Variants in CCND3 observed in about 807,000 individuals in gnomAD.
CCND3 encodes G1/S-specific cyclin-D3.
Under a neutral mutation model 28.7 loss-of-function variants are expected in CCND3, and 9 were observed. That is an observed-to-expected ratio of 0.31 (90% CI 0.19 to 0.55). The LOEUF (loss-of-function observed/expected upper bound fraction) is 0.55. Among genes scored for constraint, CCND3 ranks in the 20% least tolerant of loss-of-function variants. The pLI, the probability that CCND3 is intolerant of heterozygous loss-of-function variation, is 0.93. For missense variants in CCND3, 315 were observed against 385.8 expected (o/e 0.82, Z 1.54); for synonymous variants, 164 against 163.9 (o/e 1.00, Z 0.00).
Position 42,037,897 on chromosome 6 carries a change from C to G in CCND3, c.-46+10604G>C, listed in dbSNP as rs1202578037. 2.6e-5 allele frequency among the ~76,000 whole-genome samples: 4 copies of G among 151,720 alleles called. No individual in the cohort carries two copies. In the East Asian group the frequency reaches 5.9e-4, roughly 22 times the overall value. The stretch of plus-strand genomic sequence containing the variant: ...AATACAAAAATTAGCTGGGTGTGGT[C>G]GCACATGCCTGTAATCCCAGCTACT... On this transcript the variant is annotated intron_variant, in intron 1 of 4. Coordinates refer to the CCND3 transcript ENST00000372988.
intron 1 of CCND3, among the ~76,000 whole-genome samples, chr6:42,027,805 T>A (rs1763925453): frequency 2.0e-5 from 3 of 151,974 alleles, no homozygotes; most frequent in African/African-American, 7.2e-5. Flanking sequence ...TGGAGGGCAA[T>A]GGCTCAATCT....
chr6:41,962,391 C>A (rs1002908960), intron 1 of CCND3, among the ~76,000 whole-genome samples: 3 of 152,120 alleles, frequency 2.0e-5, no homozygotes, highest in Non-Finnish European at 4.4e-5. Flanking sequence ...TGAGCCACTG[C>A]GCCTGGCTGC....
chr6:41,986,808 A>G (rs1018355419), intron 1 of CCND3, among the ~76,000 whole-genome samples: 1 of 152,170 alleles, frequency 6.6e-6, no homozygotes, highest in African/African-American at 2.4e-5. Context: ...ATTGAATAGA[A>G]GTGGTGAGAA....
At chr6:41,978,358 C>T (rs890736578) in intron 1 of CCND3, among the ~76,000 whole-genome samples, 5 of 134,286 alleles carry the variant, frequency 3.7e-5, no homozygotes, top group African/African-American at 1.1e-4. Flanking sequence ...GGCAACAGAG[C>T]GAGACTCCAT....
chr6:41,941,365 C>T lies in CCND3; in HGVS notation c.198+87G>A, dbSNP rs1776008639. Reference sequence around the variant, plus strand: ...TAGCCTCGGAGCATCCTGCAGATTGCTGTGGGGACCGGGATGTCCCGACAG... The same window carrying T: ...TAGCCTCGGAGCATCCTGCAGATTGTTGTGGGGACCGGGATGTCCCGACAG... On this transcript the variant is annotated intron_variant, in intron 1 of 4. Transcript: ENST00000372991. The surrounding 1 kb of genome is among the most constrained non-coding windows in gnomAD (Gnocchi z 6.1). 8 of 1,555,876 alleles carry T rather than the reference C, an allele frequency of 5.1e-6. No homozygotes were observed. The highest frequency in any genetic ancestry group is 6.9e-6 in the Non-Finnish European group (8 of 1,155,342).
At chr6:41,992,123 C>A (rs1295999147) in intron 1 of CCND3, among the ~76,000 whole-genome samples, 1 of 152,074 alleles carries the variant, frequency 6.6e-6, no homozygotes, top group African/African-American at 2.4e-5. Flanking sequence ...AGTGGGATTG[C>A]TGGATCATAT....
chr6:42,036,403 A>ATT (rs57849655), intron 1 of CCND3, among the ~76,000 whole-genome samples: 414 of 31,314 alleles, frequency 0.013, 32 homozygotes, highest in Non-Finnish European at 0.015. Context: ...ATATATATAT[A>ATT]TTTTTTTTTT....
At chr6:42,049,548 T>C (rs12210681), upstream of CCND3, 13,058 of 152,330 alleles carry the variant, frequency 0.086, 744 homozygotes, top group East Asian at 0.25. Flanking sequence ...ACGGCGCAGC[T>C]AGAGGGGCTG....
chr6:42,049,320 A>G (rs182779148), upstream of CCND3, among the ~76,000 whole-genome samples: 231 of 152,254 alleles, frequency 1.5e-3, 2 homozygotes, highest in African/African-American at 5.0e-3. Flanking sequence ...TACAGGCGAG[A>G]GCCACCGCGC....
At chr6:42,047,481 G>C (rs1250068811) in intron 1 of CCND3, among the ~76,000 whole-genome samples, 1 of 152,166 alleles carries the variant, frequency 6.6e-6, no homozygotes, top group African/African-American at 2.4e-5. Context: ...GGTAGGCAGA[G>C]GGCAAGGACT....
At chr6:41,942,872 C>CTTTTTTTTT (rs60884050), upstream of CCND3, among the ~76,000 whole-genome samples, 4 of 82,578 alleles carry the variant, frequency 4.8e-5, no homozygotes, top group Non-Finnish European at 6.7e-5. Context: ...GTTAATTATT[C>CTTTTTTTTT]TTTTTTTTTT....
chr6:42,002,682 G>A (rs1763046875), intron 1 of CCND3, among the ~76,000 whole-genome samples: 1 of 151,664 alleles, frequency 6.6e-6, no homozygotes, highest in African/African-American at 2.4e-5. Flanking sequence ...GAAATACCAT[G>A]TCTACTAAAA....
intron 1 of CCND3, among the ~76,000 whole-genome samples, chr6:42,016,544 A>G (rs999069711): frequency 6.6e-6 from 1 of 151,558 alleles, no homozygotes; most frequent in Non-Finnish European, 1.5e-5. Flanking sequence ...CACGGTGCCT[A>G]GCATATGGTA....
At chr6:41,957,763 G>A (rs1776475182) in intron 1 of CCND3, among the ~76,000 whole-genome samples, 1 of 152,136 alleles carries the variant, frequency 6.6e-6, no homozygotes, top group South Asian at 2.1e-4. Flanking sequence ...TCCCCTGTTT[G>A]GATAGTCTTT....
chr6:42,027,155 C>T lies in CCND3; in HGVS notation c.-46+21346G>A, dbSNP rs527337509. 4.7e-4 allele frequency among the ~76,000 whole-genome samples: 71 copies of T among 152,296 alleles called. 1 individual carries two copies. The South Asian group carries it at 0.014, about 31-fold the overall frequency. On this transcript the variant is annotated intron_variant, in intron 1 of 4. Transcript: ENST00000372988. ...TGCCTTCCAGGTGGTTAAGACACCA[C>T]TAGGCCGGGCGCGGTGGCTCATGCC...
chr6:41,937,660 A>T, intron 2 of CCND3: 1 of 499,848 alleles, frequency 2.0e-6, no homozygotes, highest in Non-Finnish European at 3.6e-6. Flanking sequence ...CTGTCTGGTT[A>T]TGTTTAAGGG....
At chr6:41,995,044 C>T (rs1257817732) in intron 1 of CCND3, among the ~76,000 whole-genome samples, 1 of 151,854 alleles carries the variant, frequency 6.6e-6, no homozygotes, top group Non-Finnish European at 1.5e-5. Flanking sequence ...TGCATTCCAG[C>T]CTGGGCGACA....
chr6:42,027,670 C>G (rs934616989), intron 1 of CCND3, among the ~76,000 whole-genome samples: 1 of 152,144 alleles, frequency 6.6e-6, no homozygotes, highest in Non-Finnish European at 1.5e-5. Flanking sequence ...GAGCCCAAAT[C>G]TCCTCCTCAC....
upstream of CCND3, among the ~76,000 whole-genome samples, chr6:41,943,965 G>GAAT (rs1776105552): frequency 1.3e-5 from 2 of 151,822 alleles, no homozygotes; most frequent in African/African-American, 4.8e-5. Flanking sequence ...TTTTTGTTTG[G>GAAT]TTTTTTAACT....
Sources: gnomAD v4.1 joint callset for allele counts (sites outside exome capture counted in the v4.1 genomes callset) on GRCh38, gnomAD v4.1.1 for gene constraint, Gnocchi (gnomAD v3.1) non-coding constraint, MANE v1.5 for transcripts, NCBI Gene and HGNC (gene_info 2026-07-23, HGNC 2026-07-21) for gene names.